Variants in LRRC28 observed in about 807,000 individuals in gnomAD.
LRRC28 encodes the protein leucine-rich repeat-containing protein 28.
Under a neutral mutation model 45.7 loss-of-function variants are expected in LRRC28, and 39 were observed. The observed-to-expected ratio is 0.85, with a 90% CI of 0.66 to 1.12. LRRC28 has a LOEUF of 1.12. LRRC28 is among the 50% of genes most tolerant of loss of function. LRRC28 has a pLI of 0.00. For synonymous variants in LRRC28, 206 were observed against 178.8 expected, an observed-to-expected ratio of 1.15 and a Z score of -1.22; for missense variants, 435 against 438.5, an observed-to-expected ratio of 0.99 and a Z score of 0.07.
chr15:99,297,703 T>C (rs1436397180), intron 5 of LRRC28, among the ~76,000 whole-genome samples: 1 of 151,334 alleles, frequency 6.6e-6, no homozygotes, highest in Non-Finnish European at 1.5e-5. Context: ...GATTTTAAAT[T>C]TAGATTTTTA....
rs1183563029 is a variant in LRRC28, at chr15:99,255,919, A to G, written c.-39A>G. On this transcript the variant is annotated 5_prime_UTR_variant, in exon 2 of 10. Transcript: ENST00000301981. ...ATAGAAATGGACCAATTTTGACAAG[A>G]TATAGTGCTGCAGCGTGCCTGATGG... 1 of 1,579,088 alleles carries G rather than the reference A, an allele frequency of 6.3e-7. No individual in the cohort carries two copies. The highest frequency in any genetic ancestry group is 1.4e-5 in the African/African-American group (1 of 73,346).
intron 9 of LRRC28, among the ~76,000 whole-genome samples, chr15:99,382,687 T>A (rs112284376): frequency 6.6e-6 from 1 of 152,144 alleles, no homozygotes; most frequent in Non-Finnish European, 1.5e-5. Context: ...CCTACCTGTT[T>A]ATGGCTCTAG....
In LRRC28 at chr15:99,288,409, G is replaced by C. The variant is rs1421545553; in HGVS notation, c.385+458G>C. 3.6e-5 allele frequency among the ~76,000 whole-genome samples: 4 copies of C among 109,720 alleles called. No individual in the cohort carries two copies. In the East Asian group the frequency reaches 1.1e-3, roughly 30 times the overall value. 72.0% of individuals were successfully genotyped at this position (109,720 alleles called of 152,430 possible). On this transcript the variant is annotated intron_variant, in intron 5 of 9. Transcript: ENST00000301981. ...TTTTTTTTTTTTTTTTTGAGATAGA[G>C]TCTTGCCCTGTCGTCAGGCTGGAGT...
At chr15:99,252,462 AG>A (rs1186246075) in intron 1 of LRRC28, among the ~76,000 whole-genome samples, 1 of 152,230 alleles carries the variant, frequency 6.6e-6, no homozygotes, top group African/African-American at 2.4e-5. Context: ...GTCAGGTTAC[AG>A]GGACTGTCTT....
chr15:99,328,295 A>G (rs1389196180), intron 5 of LRRC28, among the ~76,000 whole-genome samples: 1 of 152,214 alleles, frequency 6.6e-6, no homozygotes, highest in South Asian at 2.1e-4. Flanking sequence ...CGAGTTTCCT[A>G]AAGATGAGAA....
intron 6 of LRRC28, among the ~76,000 whole-genome samples, chr15:99,339,669 G>T (rs900311715): frequency 6.6e-6 from 1 of 151,106 alleles, no homozygotes; most frequent in Admixed American, 6.6e-5. Context: ...AGGTTGCAGT[G>T]AGCCGAGATC....
chr15:99,252,692 C>T (rs552682527), intron 1 of LRRC28, among the ~76,000 whole-genome samples: 5 of 152,334 alleles, frequency 3.3e-5, no homozygotes, highest in Non-Finnish European at 1.5e-5. Context: ...TATCCGTGGT[C>T]TTGACATAGT....
chr15:99,264,779 G>C (rs1180655409), intron 2 of LRRC28, among the ~76,000 whole-genome samples: 1 of 151,984 alleles, frequency 6.6e-6, no homozygotes, highest in Non-Finnish European at 1.5e-5. Flanking sequence ...TCTTTTCTAA[G>C]AGGACAGAGT....
chr15:99,278,512 C>G (rs2081684039), intron 3 of LRRC28, among the ~76,000 whole-genome samples: 1 of 152,210 alleles, frequency 6.6e-6, no homozygotes, highest in Non-Finnish European at 1.5e-5. Flanking sequence ...TCCCAAAGTG[C>G]TGGGATTACA....
intron 6 of LRRC28, chr15:99,338,438 AC>A (rs901412483): frequency 4.7e-4 from 71 of 152,376 alleles, no homozygotes; most frequent in African/African-American, 1.6e-3. Context: ...GTACCTCTTT[AC>A]AGTAGTTTGG....
rs911820686 is a variant in LRRC28, at chr15:99,258,423, T to C, written c.168+2298T>C. The C allele has an allele frequency of 3.3e-6, 3 of 916,328 alleles. No homozygotes were observed. In the Admixed American group the frequency reaches 5.4e-5, roughly 17 times the overall value. 56.8% of individuals were successfully genotyped at this position (916,328 alleles called of 1,614,324 possible). ...GCATTGGATACAATTAAAAATCTCA[T>C]CAAAAATATTCACAGTTCATAAACT... is the stretch of plus-strand genomic sequence containing the variant. On this transcript the variant is annotated intron_variant, in intron 2 of 9. Transcript: ENST00000301981.
chr15:99,274,747 C>G (rs11856469), intron 2 of LRRC28, among the ~76,000 whole-genome samples: 3,006 of 152,208 alleles, frequency 0.02, 91 homozygotes, highest in African/African-American at 0.068. Context: ...TGTAAGATTT[C>G]TTCGGGAGTG....
intron 5 of LRRC28, among the ~76,000 whole-genome samples, chr15:99,301,256 T>G (rs1954959077): frequency 6.6e-6 from 1 of 152,226 alleles, no homozygotes; most frequent in South Asian, 2.1e-4. Flanking sequence ...TATAGAATAC[T>G]ATTTTTTAAA....
intron 2 of LRRC28, among the ~76,000 whole-genome samples, chr15:99,265,628 T>C (rs988655133): frequency 6.6e-6 from 1 of 152,164 alleles, no homozygotes; most frequent in South Asian, 2.1e-4. Context: ...TCACTAGTCC[T>C]TTCTAAAACT....
chr15:99,386,109 C>T lies in LRRC28; in HGVS notation c.*7C>T. The T allele has an allele frequency of 6.2e-7, 1 of 1,612,380 alleles. No homozygotes were observed. The highest frequency in any genetic ancestry group is 1.1e-5 in the South Asian group (1 of 91,054). ...TTTTGACCTGCTGAGTTGATAAACA[C>T]TCAAGAACCTCAGGAGCGCTGCCAG... On this transcript the variant is annotated 3_prime_UTR_variant, in exon 10 of 10. Coordinates refer to ENST00000301981, the MANE Select transcript of LRRC28 (RefSeq NM_144598.5).
At chr15:99,310,016 C>CA (rs1441047816) in intron 5 of LRRC28, among the ~76,000 whole-genome samples, 1 of 152,136 alleles carries the variant, frequency 6.6e-6, no homozygotes, top group African/African-American at 2.4e-5. Flanking sequence ...CAGAATCAGT[C>CA]AGAGACTTCT....
At chr15:99,345,569 T>C (rs540118471) in intron 6 of LRRC28, among the ~76,000 whole-genome samples, 1 of 152,310 alleles carries the variant, frequency 6.6e-6, no homozygotes, top group East Asian at 1.9e-4. Flanking sequence ...AGAGAAGTAG[T>C]GAAGAAATTT....
intron 5 of LRRC28, among the ~76,000 whole-genome samples, chr15:99,290,672 A>G (rs2082098310): frequency 6.6e-6 from 1 of 152,116 alleles, no homozygotes; most frequent in South Asian, 2.1e-4. Context: ...CAATTCTGCC[A>G]GGCATGGTGG....
intron 6 of LRRC28, among the ~76,000 whole-genome samples, chr15:99,344,069 C>A (rs1169373539): frequency 2.6e-5 from 4 of 152,190 alleles, no homozygotes; most frequent in African/African-American, 9.7e-5. Flanking sequence ...TGGTTCTCTT[C>A]ATCATCCTGC....
Sources: allele counts gnomAD v4.1 joint callset (sites outside exome capture counted in the v4.1 genomes callset), GRCh38; gene constraint gnomAD v4.1.1; transcripts MANE v1.5; gene names NCBI Gene and HGNC (gene_info 2026-07-23, HGNC 2026-07-21).